Variants in ADCY5 observed in about 807,000 individuals in gnomAD.
ADCY5 encodes adenylate cyclase type 5.
A neutral mutation model predicts 119.7 loss-of-function variants in ADCY5; 30 were observed. The ratio of observed to expected loss-of-function variants is 0.25; its 90% CI spans 0.19 to 0.34. The LOEUF (loss-of-function observed/expected upper bound fraction) is 0.34. ADCY5 is among the 10% of genes least tolerant of loss of function. ADCY5 has a pLI of 1.00. For missense variants in ADCY5, 1,324 were observed against 1,775.2 expected (o/e 0.75, Z 4.57); for synonymous variants, 753 against 762.2 (o/e 0.99, Z 0.20).
chr3:123,447,768 G>A lies in ADCY5; in HGVS notation c.778C>T (p.His260Tyr), dbSNP rs1286783357. 9 of 1,608,528 alleles carry A rather than the reference G, an allele frequency of 5.6e-6. No individual in the cohort carries two copies. Among genetic ancestry groups the A allele is most frequent in the Non-Finnish European group, 7.6e-6 (9 of 1,177,076 alleles). Reference sequence around the variant, plus strand: ...AGCTGGAGCGGGGGCCGCGCCGCGTGGAAGGCCAACATGACCAGGCACACG... The same window carrying A: ...AGCTGGAGCGGGGGCCGCGCCGCGTAGAAGGCCAACATGACCAGGCACACG... ...VLVCLVMLAFHAARPPLQLPY... is the reference protein window; with the variant it reads ...VLVCLVMLAFYAARPPLQLPY... The change falls in exon 1 of 21, where the codon CAC becomes TAC. Residue 260 changes from histidine to tyrosine, a missense_variant. This residue lies in a region of ADCY5 where 585 missense variants were observed against 569.9 expected (regional missense o/e 1.03). Transcript: ENST00000462833.
chr3:123,396,071 A>AGAGAGGGAGGGAGGGAGAGAGG (rs1559859720), intron 1 of ADCY5, among the ~76,000 whole-genome samples: 4 of 44,284 alleles, frequency 9.0e-5, no homozygotes, highest in African/African-American at 1.7e-4. Flanking sequence ...GGTGGGAGGG[A>AGAGAGGGAGGGAGGGAGAGAGG]GAGGGAGGGA....
At chr3:123,297,460 G>C in intron 15 of ADCY5, 78 bp from the exon 16 acceptor site, 1 of 1,462,242 alleles carries the variant, frequency 6.8e-7, no homozygotes, top group East Asian at 2.3e-5. Flanking sequence ...CAGCCCCCAC[G>C]CCCTGCTCTG....
At position 123,317,881 on chromosome 3, in the gene ADCY5, C is replaced by T. The variant is rs191708937; in HGVS notation, c.2354+139G>A. The T allele has an allele frequency of 4.8e-4, 355 of 743,286 alleles. 4 individuals are homozygous for T. In the East Asian group the frequency reaches 9.6e-3, roughly 20 times the overall value. The allele number at this position is 743,286 out of a possible 1,614,324, so 46.0% of individuals were successfully genotyped here. A position where few individuals can be genotyped will look rare whatever the true frequency, so the allele number is the denominator to read the frequency against. ...CCCTGGCTTCCTACCCCACCAAGGG[C>T]ACACTCAGAAACTTCTCTCCGTGCC... On this transcript the variant is annotated intron_variant, in intron 11 of 20. Transcript: ENST00000462833.
chr3:123,288,900 G>A (rs1389915477), intron 19 of ADCY5, among the ~76,000 whole-genome samples: 1 of 152,214 alleles, frequency 6.6e-6, no homozygotes, highest in Non-Finnish European at 1.5e-5. Context: ...GGCAAGGCAT[G>A]TGACAAAGGA....
At chr3:123,320,712 C>A (rs368367630) in intron 9 of ADCY5, 37 bp downstream of exon 9, 4 of 1,611,142 alleles carry the variant, frequency 2.5e-6, no homozygotes, top group Non-Finnish European at 3.4e-6. Context: ...ATCCCCCAGA[C>A]CCAGGGAGCA....
chr3:123,328,992 G>A (rs1941632712), intron 5 of ADCY5, among the ~76,000 whole-genome samples, 190 bp from the exon 6 acceptor site: 1 of 152,194 alleles, frequency 6.6e-6, no homozygotes, highest in East Asian at 1.9e-4. Context: ...AGTCGGCTGT[G>A]AAAGGGGCTG....
At chr3:123,293,930 G>C (rs531819701) in intron 17 of ADCY5, among the ~76,000 whole-genome samples, 1 of 152,140 alleles carries the variant, frequency 6.6e-6, no homozygotes, top group Admixed American at 6.5e-5. Context: ...ACAGATTCCC[G>C]GGCTGGAGCA....
At chr3:123,393,491 A>G (rs1944453475) in intron 1 of ADCY5, among the ~76,000 whole-genome samples, 1 of 152,126 alleles carries the variant, frequency 6.6e-6, no homozygotes. Context: ...CAGGAGTTTG[A>G]GGCCACAGTA....
chr3:123,396,648 AAGAG>A (rs1482755569), intron 1 of ADCY5, among the ~76,000 whole-genome samples: 1 of 146,364 alleles, frequency 6.8e-6, no homozygotes, highest in South Asian at 2.3e-4. Context: ...AGGAGACAGA[AAGAG>A]AGAGAGAGGG....
At chr3:123,391,977 A>AG (rs1944412768) in intron 1 of ADCY5, among the ~76,000 whole-genome samples, 1 of 152,126 alleles carries the variant, frequency 6.6e-6, no homozygotes, top group East Asian at 1.9e-4. Flanking sequence ...GGGCCCTCAA[A>AG]GCACCCCCAT....
intron 1 of ADCY5, among the ~76,000 whole-genome samples, chr3:123,379,324 G>T (rs1033916592): frequency 2.6e-5 from 4 of 152,130 alleles, no homozygotes; most frequent in African/African-American, 7.2e-5. Context: ...TGGTTAGGGG[G>T]TGATGCTGGT....
intron 14 of ADCY5, 106 bp from the exon 15 acceptor site, chr3:123,300,401 G>T (rs1576539926): frequency 7.8e-7 from 1 of 1,279,226 alleles, no homozygotes. Context: ...GCCTGGGCTG[G>T]GCATGTTTCT....
At position 123,284,582 on chromosome 3, in the gene ADCY5, T is replaced by C. The variant is rs1323955738; in HGVS notation, c.*26A>G. ...GCTTCCATGCCTCTGGAGGCCAGGC[T>C]GCCTGGCACCATTGGCCAACAGCTG... On this transcript the variant is annotated 3_prime_UTR_variant, in exon 21 of 21. Transcript: ENST00000462833. The C allele has an allele frequency of 3.1e-6, 5 of 1,613,522 alleles. No individual in the cohort carries two copies. The highest frequency in any genetic ancestry group is 3.4e-6 in the Non-Finnish European group (4 of 1,179,484).
intron 1 of ADCY5, among the ~76,000 whole-genome samples, chr3:123,430,751 G>A (rs1245726280): frequency 6.6e-6 from 1 of 152,138 alleles, no homozygotes; most frequent in Non-Finnish European, 1.5e-5. Flanking sequence ...TCCTGACTAG[G>A]GATGCTTCCC....
In ADCY5 at chr3:123,345,769, G is replaced by GACACACAGACAC. The variant is rs1553731376; in HGVS notation, c.1406+2012_1406+2013insGTGTCTGTGTGT. Among the ~76,000 whole-genome samples, 630 of 113,810 alleles carry GACACACAGACAC rather than the reference G, an allele frequency of 5.5e-3. 5 individuals are homozygous for GACACACAGACAC. The highest frequency in any genetic ancestry group is 0.013 in the Admixed American group (136 of 10,784). The allele number at this position is 113,810 out of a possible 152,430, so 74.7% of individuals were successfully genotyped here. ...AGACAGACAGACAGACAGACAGACAGACACACACACACACACACACACACA... is the reference window on the plus strand; with the variant it reads ...AGACAGACAGACAGACAGACAGACAGACACACAGACACACACACACACACACACACACACACA... On this transcript the variant is annotated intron_variant, in intron 3 of 20. Coordinates refer to ENST00000462833, the MANE Select transcript of ADCY5 (RefSeq NM_183357.3).
rs374844360 is a variant in ADCY5, at chr3:123,431,500, G to A, written c.1134+15912C>T. ...AGAGCTAATAGAGTTAATATTTGAC[G>A]GATCAATAGGCATTTGTTTGTAGCT... On this transcript the variant is annotated intron_variant, in intron 1 of 20. Coordinates refer to ENST00000462833, the MANE Select transcript of ADCY5 (RefSeq NM_183357.3). Among the ~76,000 whole-genome samples, 41 of 152,246 alleles carry A rather than the reference G, an allele frequency of 2.7e-4. 1 individual carries two copies. Among genetic ancestry groups the A allele is most frequent in the East Asian group, 9.6e-4 (5 of 5,184 alleles).
At chr3:123,370,861 T>G (rs1303594475) in intron 1 of ADCY5, among the ~76,000 whole-genome samples, 1 of 151,674 alleles carries the variant, frequency 6.6e-6, no homozygotes, top group Admixed American at 6.6e-5. Context: ...TCCCACCACG[T>G]GCTCTGGGGC....
chr3:123,430,471 C>G (rs767025789), intron 1 of ADCY5, among the ~76,000 whole-genome samples: 11 of 152,142 alleles, frequency 7.2e-5, no homozygotes, highest in Admixed American at 1.3e-4. Flanking sequence ...CCCGAGGCCT[C>G]GGAGAAGGAG....
At chr3:123,362,536 C>T (rs771942672) in intron 1 of ADCY5, among the ~76,000 whole-genome samples, 4 of 152,178 alleles carry the variant, frequency 2.6e-5, no homozygotes, top group African/African-American at 7.2e-5. Context: ...GAAGACCCCA[C>T]GCTTTGCGCA....
Sources: gnomAD v4.1 joint callset for allele counts (sites outside exome capture counted in the v4.1 genomes callset) on GRCh38, gnomAD v4.1.1 for gene constraint, gnomAD v4.1.1 regional missense constraint, MANE v1.5 for transcripts, NCBI Gene and HGNC (gene_info 2026-07-23, HGNC 2026-07-21) for gene names.